The following DMPK variants were observed in gnomAD, a reference collection of about 807,000 sequenced individuals.
The protein encoded by DMPK is myotonin-protein kinase.
Under a neutral mutation model 70.3 loss-of-function variants are expected in DMPK, and 32 were observed. That is an observed-to-expected ratio of 0.46 (90% CI 0.34 to 0.61). The LOEUF (loss-of-function observed/expected upper bound fraction) is 0.61. Ranked by LOEUF, DMPK falls within the 20% of genes least tolerant of loss-of-function variation. The pLI is 0.01. For missense variants in DMPK, 899 were observed against 886.0 expected (o/e 1.01, Z -0.19); for synonymous variants, 469 against 390.9 (o/e 1.20, Z -2.36).
chr19:45,779,934 A>G (rs1970023901), intron 1 of DMPK, 65 bp from the exon 2 acceptor site: 1 of 1,611,300 alleles, frequency 6.2e-7, no homozygotes. Flanking sequence ...CAAGGGGGAA[A>G]GCCCCACCCT....
At chr19:45,780,457 C>A (rs770005245) in intron 1 of DMPK, 83 of 1,250,542 alleles carry the variant, frequency 6.6e-5, no homozygotes, top group Non-Finnish European at 8.2e-5. Context: ...CGGTCCAGCC[C>A]ATCTCTCAGT....
chr19:45,777,094 T>C lies in DMPK; in HGVS notation c.1146+233A>G, dbSNP rs375367726. 1.4e-4 allele frequency: 76 copies of C among 524,456 alleles called. 2 individuals carry two copies. Among genetic ancestry groups the C allele is most frequent in the East Asian group, 5.7e-4 (17 of 29,650 alleles). The allele number at this position is 524,456 out of a possible 1,614,324, so 32.5% of individuals were successfully genotyped here. On this transcript the variant is annotated intron_variant, in intron 8 of 14. Transcript: ENST00000291270. The surrounding 1 kb of genome is among the most constrained non-coding windows in gnomAD (Gnocchi z 6.7). ...GGAGTCCCCCACCCCCTGCACTCCA[T>C]TGTCTCAGCCCTGATCACTCTGGGG... is the stretch of plus-strand genomic sequence containing the variant.
At position 45,778,236 on chromosome 19, in the gene DMPK, G is replaced by C; in HGVS notation, c.582-16C>G. On this transcript the variant is annotated splice_polypyrimidine_tract_variant and intron_variant, in intron 5 of 14. Coordinates refer to ENST00000291270, the MANE Select transcript of DMPK (RefSeq NM_004409.5). The stretch of plus-strand genomic sequence containing the variant: ...TTTGATGTCCCTGCACGGAGGAAAA[G>C]AGAAGGGTGGGATAAATGAACCTCC... 1 of 1,606,688 alleles carries C rather than the reference G, an allele frequency of 6.2e-7. No homozygotes were observed. Among genetic ancestry groups the C allele is most frequent in the South Asian group, 1.1e-5 (1 of 90,210 alleles).
chr19:45,778,944 C>T, intron 4 of DMPK: 1 of 576,770 alleles, frequency 1.7e-6, no homozygotes, highest in Non-Finnish European at 3.1e-6. Flanking sequence ...GAATAGGTCC[C>T]AGACACTCCT....
rs1568570413 is a variant in DMPK, at chr19:45,770,456, C to CG, written c.*31dup. 6.5e-7 allele frequency: 1 copy of CG among 1,549,018 alleles called. No individual in the cohort carries two copies. Among genetic ancestry groups the CG allele is most frequent in the Admixed American group, 2.0e-5 (1 of 50,984 alleles). ...GTGCCCCGGGCACTCAGTCTTCCAACGGGGCCCCGGAGTCGAAGACAGTTC... is the reference window on the plus strand; with the variant it reads ...GTGCCCCGGGCACTCAGTCTTCCAACGGGGGCCCCGGAGTCGAAGACAGTTC... On this transcript the variant is annotated 3_prime_UTR_variant, in exon 15 of 15. Transcript: ENST00000291270.
chr19:45,771,255 G>A (rs1263835672), intron 13 of DMPK, 95 bp downstream of exon 13: 2 of 1,486,814 alleles, frequency 1.3e-6, no homozygotes, highest in Non-Finnish European at 1.8e-6. Flanking sequence ...AAGACGTAGG[G>A]TGAGCCCTAT....
In DMPK at chr19:45,775,030, G is replaced by GTCTCCTGC; in HGVS notation, c.1147-4_1150dup (p.Thr384SerfsTer14). 1 of 1,613,532 alleles carries GTCTCCTGC rather than the reference G, an allele frequency of 6.2e-7. No homozygotes were observed. The highest frequency in any genetic ancestry group is 8.5e-7 in the Non-Finnish European group (1 of 1,179,808). ...CGCACCTTCCCGAATGTCCGACAGT[G>GTCTCCTGC]TCTCCTGCGCAAGACACACAGATGT... is the stretch of plus-strand genomic sequence containing the variant. On this transcript the variant is annotated frameshift_variant, in exon 9 of 15. Coordinates refer to ENST00000291270, the MANE Select transcript of DMPK (RefSeq NM_004409.5). LOFTEE classifies it high-confidence loss of function.
At chr19:45,778,012 A>T in intron 6 of DMPK, 115 bp downstream of exon 6, 1 of 1,218,850 alleles carries the variant, frequency 8.2e-7, no homozygotes, top group Non-Finnish European at 1.2e-6. Context: ...ATGCACACTT[A>T]AGCCTGGGTC....
chr19:45,774,496 T>C (rs1035530155), intron 9 of DMPK, among the ~76,000 whole-genome samples: 1 of 151,220 alleles, frequency 6.6e-6, no homozygotes, highest in Non-Finnish European at 1.5e-5. Context: ...TCTCCTGACC[T>C]CATGATCCAC....
Position 45,782,310 on chromosome 19 carries a change from A to G in DMPK, c.43T>C (p.Leu15=). 6.3e-7 allele frequency: 1 copy of G among 1,590,436 alleles called. No individual in the cohort carries two copies. The highest frequency in any genetic ancestry group is 8.5e-7 in the Non-Finnish European group (1 of 1,169,650). Residue 15 remains leucine, a synonymous_variant, in exon 1 of 15, where the codon TTG becomes CTG. Transcript: ENST00000291270. The part of the protein sequence containing the change: ...VRLRRLQQLV[L]DPGFLGLEPL... ...TCCAGCCCCAGGAAGCCCGGGTCCA[A>G]CACCAGCTGCTGGAGCCGCCTCAGC...
intron 10 of DMPK, among the ~76,000 whole-genome samples, 172 bp from the exon 11 acceptor site, chr19:45,772,100 C>T (rs1365863201): frequency 6.6e-6 from 1 of 152,160 alleles, no homozygotes; most frequent in East Asian, 1.9e-4. Context: ...TCCCTACCTC[C>T]CTCAGCCCCA....
Position 45,776,011 on chromosome 19 carries a change from C to T in DMPK, c.1147-977G>A, listed in dbSNP as rs1255026769. ...AATTTTCTTGTATTTTTAGTAGAGA[C>T]GGGGTTTCACCGTGTTGGCCAGCCT... On this transcript the variant is annotated intron_variant, in intron 8 of 14. Coordinates refer to ENST00000291270, the MANE Select transcript of DMPK (RefSeq NM_004409.5). Among the ~76,000 whole-genome samples the T allele has an allele frequency of 9.3e-5, 10 of 107,976 alleles. 1 individual carries two copies. The highest frequency in any genetic ancestry group is 3.1e-4 in the African/African-American group (10 of 31,862). The allele number at this position is 107,976 out of a possible 152,430, so 70.8% of individuals were successfully genotyped here. A position where few individuals can be genotyped will look rare whatever the true frequency, so the allele number is the denominator to read the frequency against.
At chr19:45,779,928 G>A (rs1441069799) in intron 1 of DMPK, 59 bp from the exon 2 acceptor site, 2 of 1,612,418 alleles carry the variant, frequency 1.2e-6, no homozygotes, top group South Asian at 1.1e-5. Context: ...TGGAGACAAG[G>A]GGGAAAGCCC....
intron 1 of DMPK, 39 bp from the exon 2 acceptor site, chr19:45,779,908 G>C: frequency 6.2e-7 from 1 of 1,613,826 alleles, no homozygotes; most frequent in South Asian, 1.1e-5. Context: ...AGGGTCACCA[G>C]AAAGGGCACT....
At chr19:45,779,158 T>C in intron 4 of DMPK, 106 bp downstream of exon 4, 2 of 1,171,802 alleles carry the variant, frequency 1.7e-6, no homozygotes, top group Non-Finnish European at 2.5e-6. Context: ...CCCACAGACG[T>C]TTCCGGGCAG....
At chr19:45,780,689 G>A in intron 1 of DMPK, 5 of 854,398 alleles carry the variant, frequency 5.9e-6, no homozygotes, top group Non-Finnish European at 7.1e-6. Flanking sequence ...GTATGGGAGG[G>A]GAGGGAAGGA....
intron 10 of DMPK, 148 bp from the exon 11 acceptor site, chr19:45,772,076 C>A: frequency 9.1e-7 from 1 of 1,098,314 alleles, no homozygotes; most frequent in Non-Finnish European, 1.3e-6. Flanking sequence ...TGCAATGATC[C>A]AAGCCCCCTC....
At position 45,777,516 on chromosome 19, in the gene DMPK, A is replaced by C; in HGVS notation, c.957T>G (p.Cys319Trp). 6.2e-7 allele frequency: 1 copy of C among 1,613,506 alleles called. No homozygotes were observed. The highest frequency in any genetic ancestry group is 8.5e-7 in the Non-Finnish European group (1 of 1,180,008). The change falls in exon 8 of 15, where the codon TGT becomes TGG. Residue 319 changes from cysteine (C) to tryptophan (W), a missense_variant. Physicochemically the swap from Cys to Trp is radical, Grantham distance 215 (BLOSUM62 -2). Transcript: ENST00000291270. The surrounding 1 kb of genome is among the most constrained non-coding windows in gnomAD (Gnocchi z 6.7). ...EARDFIQRLL[C>W]PPETRLGRGG... ...CCCGGCCCAGCCGTGTCTCCGGGGG[A>C]CACAGCAACCGCTGAATGAAGTCTC...
Position 45,782,206 on chromosome 19 carries a change from G to T in DMPK, c.147C>A (p.Asp49Glu), listed in dbSNP as rs1411792066. The T allele has an allele frequency of 3.6e-6, 5 of 1,385,704 alleles. No individual in the cohort carries two copies. In the South Asian group the frequency reaches 6.0e-5, roughly 17 times the overall value. 85.8% of individuals were successfully genotyped at this position (1,385,704 alleles called of 1,614,324 possible). A position where few individuals can be genotyped will look rare whatever the true frequency, so the allele number is the denominator to read the frequency against. Residue 49 changes from aspartate to glutamate, a missense_variant, in exon 1 of 15, where the codon GAC (aspartate) becomes GAA (glutamate). Transcript: ENST00000291270. ...SELAQDKYVA[D>E]FLQWAEPIVV... ...GTAGGCACTCACCCCACTGCAAGAA[G>T]TCGGCCACGTACTTGTCCTGGGCCA...
Sources: allele counts gnomAD v4.1 joint callset (sites outside exome capture counted in the v4.1 genomes callset), GRCh38; gene constraint gnomAD v4.1.1; non-coding constraint Gnocchi (gnomAD v3.1); transcripts MANE v1.5; gene names NCBI Gene and HGNC (gene_info 2026-07-23, HGNC 2026-07-21).